The following CREBBP variants were observed in gnomAD, a reference collection of about 807,000 sequenced individuals.
CREBBP encodes the protein CREB-binding protein.
Under a neutral mutation model 265.0 loss-of-function variants are expected in CREBBP, and 19 were observed. The observed-to-expected ratio is 0.07, with a 90% CI of 0.05 to 0.11. The LOEUF (loss-of-function observed/expected upper bound fraction) is 0.11. Among genes scored for constraint, CREBBP ranks in the 10% least tolerant of loss-of-function variants. The pLI is 1.00. For synonymous variants in CREBBP, 1,457 were observed against 1,223.7 expected (o/e 1.19, Z -3.98); for missense variants, 2,525 against 3,219.0 (o/e 0.78, Z 5.22).
At chr16:3,801,786 T>C (rs891280990) in intron 3 of CREBBP, among the ~76,000 whole-genome samples, 18 of 152,232 alleles carry the variant, frequency 1.2e-4, no homozygotes, top group African/African-American at 4.3e-4. Flanking sequence ...TCAGAAGCCT[T>C]AAAATATATG....
rs368479392 is a variant in CREBBP at position 3,822,633 on chromosome 16, T to C, written c.799-11854A>G. ...TGGACCTCAGTGGCAAGAGGAGGAC[T>C]GCAGCAGCCAAAGAAGATCTTGCCC... On this transcript the variant is annotated intron_variant, in intron 2 of 30. Transcript: ENST00000262367. Among the ~76,000 whole-genome samples, 9 of 152,270 alleles carry C rather than the reference T, an allele frequency of 5.9e-5. No individual in the cohort carries two copies. In the South Asian group the frequency reaches 1.2e-3, roughly 21 times the overall value.
chr16:3,848,882 T>C (rs1281910119), intron 2 of CREBBP, among the ~76,000 whole-genome samples: 1 of 152,168 alleles, frequency 6.6e-6, no homozygotes, highest in Non-Finnish European at 1.5e-5. Flanking sequence ...TCTACTAACA[T>C]TTCAAAAAAG....
rs557746876 is a variant in CREBBP, at chr16:3,880,034, G to A, written c.-118C>T. ...AGGAGCGAGCGCGGGCCGCGAGCGGGCGGGCGGGCGCCGAGGGAGAGGGAG... is the reference window on the plus strand; with the variant it reads ...AGGAGCGAGCGCGGGCCGCGAGCGGACGGGCGGGCGCCGAGGGAGAGGGAG... On this transcript the variant is annotated 5_prime_UTR_variant, in exon 1 of 31. Transcript: ENST00000262367. 15 of 833,932 alleles carry A rather than the reference G, an allele frequency of 1.8e-5. No homozygotes were observed. In the East Asian group the frequency reaches 2.8e-4, roughly 16 times the overall value. 51.7% of individuals were successfully genotyped at this position (833,932 alleles called of 1,614,324 possible).
intron 19 of CREBBP, among the ~76,000 whole-genome samples, chr16:3,755,951 G>A (rs371784293): frequency 1.7e-3 from 260 of 152,070 alleles, no homozygotes; most frequent in African/African-American, 4.8e-3. Flanking sequence ...CCTTTTTTGA[G>A]ACATTTTTGT....
chr16:3,727,652 G>A lies in CREBBP; in HGVS notation c.*66C>T, dbSNP rs2051780543. The A allele has an allele frequency of 6.2e-7, 1 of 1,613,356 alleles. No homozygotes were observed. Among genetic ancestry groups the A allele is most frequent in the Non-Finnish European group, 8.5e-7 (1 of 1,179,984 alleles). The stretch of plus-strand genomic sequence containing the variant: ...TCCATCTAGGAATAAAAAGAACCTA[G>A]ATGCCTGGATTTTCAGTACAAAAGG... On this transcript the variant is annotated 3_prime_UTR_variant, in exon 31 of 31. Coordinates refer to ENST00000262367, the MANE Select transcript of CREBBP (RefSeq NM_004380.3).
Position 3,729,359 on chromosome 16 carries a change from C to A in CREBBP, c.5688G>T (p.Gln1896His), listed in dbSNP as rs1229748932. ...GCTGCGGCGTCTGGGGTGTGCTGGG[C>A]TGCTGTGTGGGGGTCCCGGGCGGTG... ...TSAPPGTPTQ[Q>H]PSTPQTPQPP... Residue 1896 changes from glutamine (Q) to histidine (H), a missense_variant, in exon 31 of 31, where the codon CAG becomes CAT. This residue lies in a region of CREBBP where 275 missense variants were observed against 276.5 expected (regional missense o/e 0.99). Coordinates refer to ENST00000262367, the MANE Select transcript of CREBBP (RefSeq NM_004380.3). 1 of 1,605,036 alleles carries A rather than the reference C, an allele frequency of 6.2e-7. No individual in the cohort carries two copies. Among genetic ancestry groups the A allele is most frequent in the Non-Finnish European group, 8.5e-7 (1 of 1,178,442 alleles).
chr16:3,795,079 C>T (rs1048528125), intron 3 of CREBBP, among the ~76,000 whole-genome samples: 2 of 152,018 alleles, frequency 1.3e-5, no homozygotes, highest in Admixed American at 1.3e-4. Context: ...AAAATAAGTA[C>T]GTAGAAAAGC....
chr16:3,838,835 C>G (rs965286570), intron 2 of CREBBP, among the ~76,000 whole-genome samples: 3 of 152,144 alleles, frequency 2.0e-5, no homozygotes, highest in Non-Finnish European at 4.4e-5. Context: ...AAGAATGAGC[C>G]ACCAAGCTCA....
intron 2 of CREBBP, among the ~76,000 whole-genome samples, chr16:3,834,049 C>T (rs943555323): frequency 1.8e-4 from 27 of 152,136 alleles, no homozygotes; most frequent in Non-Finnish European, 8.8e-5. Flanking sequence ...CACAGAAATG[C>T]AAATGACAAC....
At chr16:3,751,829 T>G (rs1377931265) in intron 19 of CREBBP, 23 bp from the exon 20 acceptor site, 1 of 1,611,648 alleles carries the variant, frequency 6.2e-7, no homozygotes, top group African/African-American at 1.3e-5. Context: ...AGGCCATACT[T>G]GGGTGAACTG....
intron 8 of CREBBP, among the ~76,000 whole-genome samples, chr16:3,780,172 G>A (rs1372210592): frequency 6.6e-6 from 1 of 150,944 alleles, no homozygotes; most frequent in Non-Finnish European, 1.5e-5. Context: ...AACCTGGGAG[G>A]CGGAGGTTGC....
intron 2 of CREBBP, among the ~76,000 whole-genome samples, chr16:3,812,391 C>A (rs1000911190): frequency 1.3e-5 from 2 of 151,974 alleles, no homozygotes; most frequent in Admixed American, 1.3e-4. Context: ...GTTGGCCAAG[C>A]TGGTCTTGAA....
rs1487634374 is a variant in CREBBP, at chr16:3,736,630, C to A, written c.4560+20G>T. On this transcript the variant is annotated intron_variant, in intron 27 of 30. Coordinates refer to ENST00000262367, the MANE Select transcript of CREBBP (RefSeq NM_004380.3). ...CCTCAGTTGTGACAAAAGCCACCACCTTCCTTCAGCGCCGGGTACCTTGTA... is the reference window on the plus strand; with the variant it reads ...CCTCAGTTGTGACAAAAGCCACCACATTCCTTCAGCGCCGGGTACCTTGTA... 1 of 1,614,218 alleles carries A rather than the reference C, an allele frequency of 6.2e-7. No individual in the cohort carries two copies. Among genetic ancestry groups the A allele is most frequent in the Non-Finnish European group, 8.5e-7 (1 of 1,180,044 alleles).
rs780474671 is a variant in CREBBP, at chr16:3,740,410, C to T, written c.4122G>A (p.Gly1374=). ...SSDKTVEVKP[G]MKSRFVDSGE... ...GCAGGCACACTGACCGTGACTTCAT[C>T]CCGGGCTTGACCTCCACCGTCTTGT... The change falls in exon 24 of 31, where the codon GGG becomes GGA. Residue 1374 remains glycine, a synonymous_variant. Coordinates refer to ENST00000262367, the MANE Select transcript of CREBBP (RefSeq NM_004380.3). 2 of 1,614,202 alleles carry T rather than the reference C, an allele frequency of 1.2e-6. No homozygotes were observed. The highest frequency in any genetic ancestry group is 1.7e-6 in the Non-Finnish European group (2 of 1,180,042).
intron 3 of CREBBP, among the ~76,000 whole-genome samples, chr16:3,794,453 A>G (rs34690501): frequency 4.3e-4 from 66 of 152,012 alleles, no homozygotes; most frequent in Admixed American, 6.6e-4. Flanking sequence ...TTTCATTATC[A>G]CATGACTAGA....
At position 3,832,007 on chromosome 16, in the gene CREBBP, A is replaced by G. The variant is rs185053756; in HGVS notation, c.798+18290T>C. Among the ~76,000 whole-genome samples, 13 of 152,260 alleles carry G rather than the reference A, an allele frequency of 8.5e-5. No homozygotes were observed. The East Asian group carries it at 2.5e-3, about 29-fold the overall frequency. ...GTGAGACTCTGACTCAGTTAAAAAA[A>G]AAAGAAAGAAAAAAAAGAAAAGAGT... On this transcript the variant is annotated intron_variant, in intron 2 of 30. Coordinates refer to ENST00000262367, the MANE Select transcript of CREBBP (RefSeq NM_004380.3).
chr16:3,846,313 T>C (rs2054666415), intron 2 of CREBBP, among the ~76,000 whole-genome samples: 1 of 152,182 alleles, frequency 6.6e-6, no homozygotes, highest in South Asian at 2.1e-4. Flanking sequence ...GATGGTAATA[T>C]TCAGTGTTGG....
At chr16:3,822,557 T>C (rs2054161505) in intron 2 of CREBBP, among the ~76,000 whole-genome samples, 1 of 151,868 alleles carries the variant, frequency 6.6e-6, no homozygotes, top group Non-Finnish European at 1.5e-5. Context: ...CCCTGGGAGG[T>C]GACGTGAGGC....
At chr16:3,826,733 G>T (rs753238971) in intron 2 of CREBBP, among the ~76,000 whole-genome samples, 1 of 152,176 alleles carries the variant, frequency 6.6e-6, no homozygotes, top group Non-Finnish European at 1.5e-5. Context: ...CAATCAAGAG[G>T]CGCCTAAGGA....
Sources: allele counts gnomAD v4.1 joint callset (sites outside exome capture counted in the v4.1 genomes callset), GRCh38; gene constraint gnomAD v4.1.1; regional missense constraint gnomAD v4.1.1; transcripts MANE v1.5; gene names NCBI Gene and HGNC (gene_info 2026-07-23, HGNC 2026-07-21).